Variants in LOC128462377 observed in about 807,000 individuals in gnomAD.
the LOC128462377 span, among the ~76,000 whole-genome samples, chr16:89,380,648 G>T: frequency 6.6e-6 from 1 of 152,204 alleles, no homozygotes; most frequent in Non-Finnish European, 1.5e-5. Flanking sequence ...TAGGAGACAG[G>T]CTTCTAGATC....
the LOC128462377 span, among the ~76,000 whole-genome samples, chr16:89,369,056 TC>T: frequency 6.6e-6 from 1 of 151,942 alleles, no homozygotes; most frequent in African/African-American, 2.4e-5. Context: ...CACCCATTCC[TC>T]CACAGCAAGC....
chr16:89,344,132 G>T, the LOC128462377 span, among the ~76,000 whole-genome samples: 8 of 152,158 alleles, frequency 5.3e-5, no homozygotes, highest in Admixed American at 5.2e-4. Context: ...AACAAACCCT[G>T]GAGTCTGTGC....
chr16:89,374,310 C>T, the LOC128462377 span, among the ~76,000 whole-genome samples: 9 of 151,770 alleles, frequency 5.9e-5, no homozygotes, highest in East Asian at 1.5e-3. Context: ...CCGAGGTCAG[C>T]GAGTTATGGC....
At chr16:89,366,102 C>T in the LOC128462377 span, among the ~76,000 whole-genome samples, 1 of 145,306 alleles carries the variant, frequency 6.9e-6, no homozygotes. Flanking sequence ...TGCACTCTAG[C>T]CTGGGTGACA....
chr16:89,371,143 C>CA, the LOC128462377 span, among the ~76,000 whole-genome samples: 1 of 152,154 alleles, frequency 6.6e-6, no homozygotes, highest in Non-Finnish European at 1.5e-5. Flanking sequence ...TCTTGACTTT[C>CA]AGGGTGCACG....
chr16:89,366,109 G>A, the LOC128462377 span, among the ~76,000 whole-genome samples: 1 of 123,186 alleles, frequency 8.1e-6, no homozygotes, highest in Non-Finnish European at 1.6e-5. Flanking sequence ...TAGCCTGGGT[G>A]ACAAAGTGAG....
At chr16:89,415,431 A>AT in the LOC128462377 span, among the ~76,000 whole-genome samples, 1 of 148,536 alleles carries the variant, frequency 6.7e-6, no homozygotes, top group Admixed American at 6.7e-5. Context: ...TGCCCGGCTA[A>AT]TTTTTTGTAT....
the LOC128462377 span, among the ~76,000 whole-genome samples, chr16:89,356,110 C>T: frequency 6.6e-6 from 1 of 152,186 alleles, no homozygotes; most frequent in Non-Finnish European, 1.5e-5. Flanking sequence ...TCTGGAAAAC[C>T]TTAGTTACTA....
chr16:89,397,677 T>C, the LOC128462377 span, among the ~76,000 whole-genome samples: 1 of 152,248 alleles, frequency 6.6e-6, no homozygotes, highest in Non-Finnish European at 1.5e-5. Context: ...AGTTTTACAG[T>C]GTGCTTTTGT....
the LOC128462377 span, among the ~76,000 whole-genome samples, chr16:89,386,704 T>C: frequency 6.6e-6 from 1 of 152,236 alleles, no homozygotes; most frequent in Non-Finnish European, 1.5e-5. Flanking sequence ...GACACGCTTA[T>C]AAGCTACTCA....
the LOC128462377 span, chr16:89,343,613 C>T: frequency 6.6e-6 from 1 of 152,344 alleles, no homozygotes; most frequent in Non-Finnish European, 1.5e-5. Context: ...CAGAACCTCA[C>T]CCCAGTCAGA....
At chr16:89,342,092 T>G in the LOC128462377 span, among the ~76,000 whole-genome samples, 2 of 102,964 alleles carry the variant, frequency 1.9e-5, no homozygotes, top group African/African-American at 7.6e-5. Context: ...CAGCTCTGCT[T>G]CCCACCCTCC....
At chr16:89,402,849 G>A in the LOC128462377 span, among the ~76,000 whole-genome samples, 143 of 151,286 alleles carry the variant, frequency 9.5e-4, 1 homozygote, top group South Asian at 2.1e-3. Flanking sequence ...GGAGGTGGGC[G>A]GGGTGGGGCC....
the LOC128462377 span, among the ~76,000 whole-genome samples, chr16:89,379,246 C>T: frequency 6.6e-6 from 1 of 152,230 alleles, no homozygotes; most frequent in Non-Finnish European, 1.5e-5. Flanking sequence ...CAGGCTCATG[C>T]TTTTTTAATC....
At chr16:89,348,517 C>A in the LOC128462377 span, among the ~76,000 whole-genome samples, 3 of 152,182 alleles carry the variant, frequency 2.0e-5, no homozygotes, top group Non-Finnish European at 2.9e-5. Context: ...TTCTATATAA[C>A]TGACTTTCCT....
At chr16:89,414,219 C>G in the LOC128462377 span, among the ~76,000 whole-genome samples, 3 of 152,184 alleles carry the variant, frequency 2.0e-5, no homozygotes, top group Non-Finnish European at 2.9e-5. Context: ...ACATTAAGTC[C>G]AAGCCTCTTT....
At chr16:89,367,366 C>A in the LOC128462377 span, among the ~76,000 whole-genome samples, 706 of 152,376 alleles carry the variant, frequency 4.6e-3, 4 homozygotes, top group African/African-American at 0.016. Flanking sequence ...AGACCTCCCA[C>A]CACTGCTTCC....
chr16:89,401,182 C>A, the LOC128462377 span, among the ~76,000 whole-genome samples: 2 of 150,046 alleles, frequency 1.3e-5, no homozygotes, highest in Non-Finnish European at 3.0e-5. Flanking sequence ...CAACCTCTGC[C>A]TCCCAAGTTC....
At chr16:89,334,174 C>CAG in the LOC128462377 span, among the ~76,000 whole-genome samples, 7 of 74,774 alleles carry the variant, frequency 9.4e-5, no homozygotes, top group African/African-American at 1.9e-4. Flanking sequence ...AAAAAAAAAA[C>CAG]AGAGAGAGAG....
Sources: gnomAD v4.1 joint callset for allele counts (sites outside exome capture counted in the v4.1 genomes callset) on GRCh38, gnomAD v4.1.1 for gene constraint, MANE v1.5 for transcripts.